Variants in CAMTA1 observed in about 807,000 individuals in gnomAD.
CAMTA1 encodes the protein calmodulin-binding transcription activator 1.
CAMTA1 carries 27 observed loss-of-function variants against 170.9 expected under a neutral mutation model. The ratio of observed to expected loss-of-function variants is 0.16; its 90% CI spans 0.12 to 0.22. The LOEUF is 0.22. Among genes scored for constraint, CAMTA1 ranks in the 10% least tolerant of loss-of-function variants. The pLI is 1.00. For synonymous variants in CAMTA1, 833 were observed against 891.5 expected (o/e 0.93, Z 1.17); for missense variants, 1,619 against 2,217.2 (o/e 0.73, Z 5.42).
chr1:7,262,390 C>T (rs941017059), intron 5 of CAMTA1, among the ~76,000 whole-genome samples: 3 of 151,930 alleles, frequency 2.0e-5, no homozygotes, highest in South Asian at 2.1e-4. Flanking sequence ...GGTGAAACCC[C>T]GTCTCTACTA....
chr1:7,548,796 C>T lies in CAMTA1; in HGVS notation c.510+80895C>T, dbSNP rs12760176. Among the ~76,000 whole-genome samples the T allele has an allele frequency of 9.1e-5, 4 of 43,930 alleles. 1 individual carries two copies. The highest frequency in any genetic ancestry group is 2.8e-4 in the Admixed American group (1 of 3,544). 28.8% of individuals were successfully genotyped at this position (43,930 alleles called of 152,430 possible). ...TGCCCATGGAGGTGTCCCTTAGGGG[C>T]GGAGGTGCTGGTGGAGGGCACCCCT... On this transcript the variant is annotated intron_variant, in intron 6 of 22. Coordinates refer to ENST00000303635, the MANE Select transcript of CAMTA1 (RefSeq NM_015215.4).
chr1:7,365,022 A>G (rs1275897580), intron 5 of CAMTA1, among the ~76,000 whole-genome samples: 1 of 152,226 alleles, frequency 6.6e-6, no homozygotes, highest in Non-Finnish European at 1.5e-5. Flanking sequence ...GAGTCATCCC[A>G]GAGAGTGCAG....
intron 5 of CAMTA1, among the ~76,000 whole-genome samples, chr1:7,284,178 T>TTCGG (rs1279292798): frequency 1.4e-5 from 1 of 69,144 alleles, no homozygotes; most frequent in Non-Finnish European, 3.0e-5. Flanking sequence ...CTTCTTCTTC[T>TTCGG]TATTATTATT....
chr1:7,411,304 C>T (rs568960838), intron 5 of CAMTA1, among the ~76,000 whole-genome samples: 9 of 152,220 alleles, frequency 5.9e-5, no homozygotes, highest in Non-Finnish European at 8.8e-5. Flanking sequence ...TTCTAGTCCC[C>T]GACTGACGCA....
At chr1:7,337,311 C>CTG (rs1324056908) in intron 5 of CAMTA1, among the ~76,000 whole-genome samples, 1 of 152,216 alleles carries the variant, frequency 6.6e-6, no homozygotes, top group Non-Finnish European at 1.5e-5. Context: ...GAGGGCGTGT[C>CTG]TGATAGGCAT....
intron 5 of CAMTA1, among the ~76,000 whole-genome samples, chr1:7,346,535 C>CA (rs967998138): frequency 1.5e-3 from 235 of 152,334 alleles, no homozygotes; most frequent in African/African-American, 5.5e-3. Context: ...CACTGGCCTG[C>CA]AAGCTCAGCC....
chr1:7,723,968 C>T (rs994707849), intron 11 of CAMTA1, among the ~76,000 whole-genome samples: 1 of 152,106 alleles, frequency 6.6e-6, no homozygotes, highest in Non-Finnish European at 1.5e-5. Context: ...TACAGGTGCC[C>T]ACCACCACAC....
At chr1:7,194,727 G>A (rs1655188130) in intron 4 of CAMTA1, among the ~76,000 whole-genome samples, 1 of 152,202 alleles carries the variant, frequency 6.6e-6, no homozygotes, top group Admixed American at 6.5e-5. Context: ...CTAGAGCTTA[G>A]TAAGGAGAGG....
intron 3 of CAMTA1, among the ~76,000 whole-genome samples, chr1:7,053,469 C>T (rs1572715478): frequency 6.6e-6 from 1 of 152,214 alleles, no homozygotes; most frequent in East Asian, 1.9e-4. Flanking sequence ...CACGTGGCCA[C>T]CCAAGAGGCC....
intron 5 of CAMTA1, among the ~76,000 whole-genome samples, chr1:7,445,070 G>A (rs1406689474): frequency 2.9e-5 from 4 of 139,672 alleles, no homozygotes; most frequent in Non-Finnish European, 1.5e-5. Context: ...TGGGGTGGGG[G>A]TTACCTCTGT....
At chr1:7,148,412 C>T (rs1201010166) in intron 4 of CAMTA1, among the ~76,000 whole-genome samples, 2 of 119,820 alleles carry the variant, frequency 1.7e-5, no homozygotes, top group African/African-American at 3.3e-5. Context: ...CCCAAACACA[C>T]GAATCCACCC....
At chr1:7,432,166 C>T (rs2092191095) in intron 5 of CAMTA1, among the ~76,000 whole-genome samples, 1 of 152,194 alleles carries the variant, frequency 6.6e-6, no homozygotes, top group Non-Finnish European at 1.5e-5. Context: ...CTGTGAGAAC[C>T]GCTGTTGGCT....
chr1:7,522,897 G>C (rs1171946353), intron 6 of CAMTA1, among the ~76,000 whole-genome samples: 1 of 152,262 alleles, frequency 6.6e-6, no homozygotes, highest in South Asian at 2.1e-4. Context: ...CAGGAGCTTC[G>C]CTCTTGTTGC....
chr1:7,415,517 C>T (rs1247626579), intron 5 of CAMTA1, among the ~76,000 whole-genome samples: 5 of 152,026 alleles, frequency 3.3e-5, no homozygotes, highest in African/African-American at 7.3e-5. Context: ...TATGTAATGG[C>T]CTTCTTTGTC....
At chr1:7,667,273 C>A (rs1212172986) in intron 9 of CAMTA1, among the ~76,000 whole-genome samples, 1 of 152,130 alleles carries the variant, frequency 6.6e-6, no homozygotes, top group Non-Finnish European at 1.5e-5. Context: ...CCCATGAAGG[C>A]CAGTTGGGCA....
At chr1:7,272,812 A>C (rs1324189808) in intron 5 of CAMTA1, among the ~76,000 whole-genome samples, 1 of 152,062 alleles carries the variant, frequency 6.6e-6, no homozygotes, top group Non-Finnish European at 1.5e-5. Context: ...AGCTGAAACT[A>C]TAAAAGTCTT....
intron 4 of CAMTA1, among the ~76,000 whole-genome samples, chr1:7,194,625 G>A (rs1171244944): frequency 1.3e-5 from 2 of 152,244 alleles, no homozygotes; most frequent in South Asian, 2.1e-4. Flanking sequence ...GTTTTACAGC[G>A]ATACTTGGAG....
intron 21 of CAMTA1, among the ~76,000 whole-genome samples, chr1:7,753,335 A>T (rs1410386746): frequency 6.6e-6 from 1 of 152,182 alleles, no homozygotes; most frequent in Non-Finnish European, 1.5e-5. Context: ...TTCCAGTCTG[A>T]CGTCTGTAAC....
Position 7,427,753 on chromosome 1 carries a change from C to T in CAMTA1, c.439-40077C>T, listed in dbSNP as rs139357402. Among the ~76,000 whole-genome samples, 22 of 152,326 alleles carry T rather than the reference C, an allele frequency of 1.4e-4. No individual in the cohort carries two copies. The East Asian group carries it at 2.7e-3, about 19-fold the overall frequency. The stretch of plus-strand genomic sequence containing the variant: ...TCCTCTCCCTCTGCACACATTCTGC[C>T]GCCCAGGGACGAGGCGCAATCCCAG... On this transcript the variant is annotated intron_variant, in intron 5 of 22. Coordinates refer to ENST00000303635, the MANE Select transcript of CAMTA1 (RefSeq NM_015215.4).
Sources: allele counts gnomAD v4.1 joint callset (sites outside exome capture counted in the v4.1 genomes callset), GRCh38; gene constraint gnomAD v4.1.1; transcripts MANE v1.5; gene names NCBI Gene and HGNC (gene_info 2026-07-23, HGNC 2026-07-21).